TTYH1: variants seen among roughly 807,000 people sequenced by gnomAD.
The protein encoded by TTYH1 is protein tweety homolog 1.
Under a neutral mutation model 61.2 loss-of-function variants are expected in TTYH1, and 33 were observed. The ratio of observed to expected loss-of-function variants is 0.54; its 90% CI spans 0.41 to 0.72. The LOEUF is 0.72. Among genes scored for constraint, TTYH1 ranks in the 30% least tolerant of loss-of-function variants. The probability of loss-of-function intolerance (pLI) is 0.00; values close to 1 mark genes in which losing one functional copy is unlikely to be tolerated. For synonymous variants in TTYH1, 308 were observed against 266.4 expected (o/e 1.16, Z -1.52); for missense variants, 538 against 575.8 (o/e 0.93, Z 0.67).
chr19:54,422,810 T>C (rs776120332), intron 4 of TTYH1, among the ~76,000 whole-genome samples: 3 of 151,020 alleles, frequency 2.0e-5, no homozygotes, highest in Non-Finnish European at 2.9e-5. Flanking sequence ...ATGTCTGTAA[T>C]GCCAGCTACT....
In TTYH1 at chr19:54,419,462, G is replaced by A. The variant is rs546407473; in HGVS notation, c.305+156G>A. On this transcript the variant is annotated intron_variant, in intron 2 of 13. Coordinates refer to ENST00000376530, the MANE Select transcript of TTYH1 (RefSeq NM_020659.4). The surrounding 1 kb of genome is among the most constrained non-coding windows in gnomAD (Gnocchi z 6.1). ...CTGCCATTTGCAAGCCCACTTCAGC[G>A]CACAGCAGGAAGGACTGTCCCATTT... is the stretch of plus-strand genomic sequence containing the variant. 106 of 800,810 alleles carry A rather than the reference G, an allele frequency of 1.3e-4. 1 individual carries two copies. Among genetic ancestry groups the A allele is most frequent in the Middle Eastern group, 4.4e-4 (2 of 4,528 alleles). The allele number at this position is 800,810 out of a possible 1,614,324, so 49.6% of individuals were successfully genotyped here. A position where few individuals can be genotyped will look rare whatever the true frequency, so the allele number is the denominator to read the frequency against.
At position 54,426,893 on chromosome 19, in the gene TTYH1, A is replaced by G. The variant is rs1257396393; in HGVS notation, c.734+125A>G. On this transcript the variant is annotated intron_variant, in intron 5 of 13. Transcript: ENST00000376530. ...TCACGGCCGGGTACACACGAAGAAA[A>G]GAGAGTCAGAGCAGCCCAGGAGGGA... The G allele has an allele frequency of 3.7e-6, 3 of 811,890 alleles. No individual in the cohort carries two copies. In the African/African-American group the frequency reaches 5.1e-5, roughly 14 times the overall value. 50.3% of individuals were successfully genotyped at this position (811,890 alleles called of 1,614,324 possible).
intron 4 of TTYH1, among the ~76,000 whole-genome samples, chr19:54,422,789 C>T (rs1185844197): frequency 2.0e-5 from 3 of 151,724 alleles, no homozygotes; most frequent in Admixed American, 6.6e-5. Context: ...ATTAGCTGGG[C>T]GTGGCGGCAG....
intron 4 of TTYH1, among the ~76,000 whole-genome samples, chr19:54,423,662 T>C (rs924955990): frequency 6.6e-6 from 1 of 152,122 alleles, no homozygotes; most frequent in Non-Finnish European, 1.5e-5. Context: ...GTTCGAGTTG[T>C]TGAGTTGGCA....
Position 54,416,612 on chromosome 19 carries a change from G to C in TTYH1, c.126+934G>C. The C allele has an allele frequency of 1.8e-6, 1 of 554,010 alleles. No individual in the cohort carries two copies. Among genetic ancestry groups the C allele is most frequent in the Non-Finnish European group, 2.8e-6 (1 of 362,704 alleles). The allele number at this position is 554,010 out of a possible 1,614,324, so 34.3% of individuals were successfully genotyped here. A position where few individuals can be genotyped will look rare whatever the true frequency, so the allele number is the denominator to read the frequency against. On this transcript the variant is annotated intron_variant, in intron 1 of 13. Coordinates refer to ENST00000376530, the MANE Select transcript of TTYH1 (RefSeq NM_020659.4). This position sits in a 1 kb window ranked among gnomAD's most constrained non-coding sequence, Gnocchi z 7.0. The stretch of plus-strand genomic sequence containing the variant: ...CTTGGGTTGCTCCTGGGAGAAGGGG[G>C]CTGGGATTGGAGAGCTCAGGGGGCG...
rs1376880530 is a variant in TTYH1, at chr19:54,419,389, G to C, written c.305+83G>C. The C allele has an allele frequency of 7.2e-6, 10 of 1,396,686 alleles. No homozygotes were observed. Among genetic ancestry groups the C allele is most frequent in the Non-Finnish European group, 9.8e-6 (10 of 1,017,314 alleles). 86.5% of individuals were successfully genotyped at this position (1,396,686 alleles called of 1,614,324 possible). A position where few individuals can be genotyped will look rare whatever the true frequency, so the allele number is the denominator to read the frequency against. ...GGCCTTCCTGGGGGTGTCCTCCGGG[G>C]ACATGGAGGAAGCAGACAGGAAGGA... On this transcript the variant is annotated intron_variant, in intron 2 of 13. Coordinates refer to ENST00000376530, the MANE Select transcript of TTYH1 (RefSeq NM_020659.4). The surrounding 1 kb of genome is among the most constrained non-coding windows in gnomAD (Gnocchi z 6.1).
chr19:54,431,664 A>G (rs1022048358), intron 10 of TTYH1: 6 of 184,010 alleles, frequency 3.3e-5, no homozygotes, highest in African/African-American at 1.4e-4. Flanking sequence ...TGGGATTGCA[A>G]GAGTGGGCAC....
rs376773909 is a variant in TTYH1 at position 54,435,513 on chromosome 19, C to G, written c.1126-29C>G. 4.5e-6 allele frequency: 7 copies of G among 1,566,158 alleles called. No homozygotes were observed. The African/African-American group carries it at 9.4e-5, about 21-fold the overall frequency. ...GTGCCGATGGGGGAGGGGGTGGGGA[C>G]GCATGGCCTGATGACGCCCTCCCCT... On this transcript the variant is annotated intron_variant, in intron 10 of 13. Coordinates refer to ENST00000376530, the MANE Select transcript of TTYH1 (RefSeq NM_020659.4).
intron 1 of TTYH1, among the ~76,000 whole-genome samples, chr19:54,417,957 GATA>G (rs1277166133): frequency 6.6e-6 from 1 of 151,442 alleles, no homozygotes; most frequent in Non-Finnish European, 1.5e-5. Context: ...ACAGCCCAAA[GATA>G]AAAACATCCA....
In TTYH1 at chr19:54,434,258, C is replaced by T. The variant is rs573215432; in HGVS notation, c.1126-1284C>T. On this transcript the variant is annotated intron_variant, in intron 10 of 13. Transcript: ENST00000376530. This position sits in a 1 kb window ranked among gnomAD's most constrained non-coding sequence, Gnocchi z 4.3. Reference sequence around the variant, plus strand: ...GTCCTCCATGCAGCAGCCAGCCAGCCAGGTGATCCTTTTAAAACACAATCC... The same window carrying T: ...GTCCTCCATGCAGCAGCCAGCCAGCTAGGTGATCCTTTTAAAACACAATCC... 2.0e-5 allele frequency: 3 copies of T among 152,702 alleles called. No homozygotes were observed. The South Asian group carries it at 6.2e-4, about 32-fold the overall frequency. 9.5% of individuals were successfully genotyped at this position (152,702 alleles called of 1,614,324 possible). A position where few individuals can be genotyped will look rare whatever the true frequency, so the allele number is the denominator to read the frequency against.
chr19:54,415,811 T>C lies in TTYH1; in HGVS notation c.126+133T>C. On this transcript the variant is annotated intron_variant, in intron 1 of 13. Coordinates refer to ENST00000376530, the MANE Select transcript of TTYH1 (RefSeq NM_020659.4). The surrounding 1 kb of genome is among the most constrained non-coding windows in gnomAD (Gnocchi z 5.2). The stretch of plus-strand genomic sequence containing the variant: ...GGGGGCCGGCCCGGACTTTGGGGTT[T>C]CGGAGGGAGGAGGAGCCTGGGGGCG... 1 of 1,113,332 alleles carries C rather than the reference T, an allele frequency of 9.0e-7. No homozygotes were observed. The highest frequency in any genetic ancestry group is 1.9e-5 in the South Asian group (1 of 53,790). The allele number at this position is 1,113,332 out of a possible 1,614,324, so 69.0% of individuals were successfully genotyped here.
chr19:54,428,079 G>GTTTTTTT (rs936820982), intron 5 of TTYH1, among the ~76,000 whole-genome samples: 3 of 62,478 alleles, frequency 4.8e-5, no homozygotes, highest in Non-Finnish European at 5.6e-5. Context: ...TCCCGGCTAA[G>GTTTTTTT]TTTTTTTTTT....
At chr19:54,423,802 G>A (rs1275916377) in intron 4 of TTYH1, among the ~76,000 whole-genome samples, 1 of 152,164 alleles carries the variant, frequency 6.6e-6, no homozygotes, top group Non-Finnish European at 1.5e-5. Flanking sequence ...TCCTCCGGGG[G>A]GAACCAGCAA....
rs2083399013 is a variant in TTYH1 at position 54,429,792 on chromosome 19, G to A, written c.808-90G>A. The stretch of plus-strand genomic sequence containing the variant: ...TGGGACCTGGACCCCTGGGTGGGGA[G>A]GGGAGCTGGGGAGCCAGGCACTGGG... On this transcript the variant is annotated intron_variant, in intron 6 of 13. Coordinates refer to ENST00000376530, the MANE Select transcript of TTYH1 (RefSeq NM_020659.4). The surrounding 1 kb of genome is among the most constrained non-coding windows in gnomAD (Gnocchi z 5.1). 2 of 1,140,746 alleles carry A rather than the reference G, an allele frequency of 1.8e-6. No homozygotes were observed. Among genetic ancestry groups the A allele is most frequent in the South Asian group, 1.3e-5 (1 of 74,840 alleles). 70.7% of individuals were successfully genotyped at this position (1,140,746 alleles called of 1,614,324 possible). A position where few individuals can be genotyped will look rare whatever the true frequency, so the allele number is the denominator to read the frequency against.
Position 54,421,201 on chromosome 19 carries a change from G to C in TTYH1, c.306-76G>C. Reference sequence around the variant, plus strand: ...GGTGGATAAGAAGGCGAGGTGGAGGGGATGGGGTGGGAGGGGACGGTGGCC... The same window carrying C: ...GGTGGATAAGAAGGCGAGGTGGAGGCGATGGGGTGGGAGGGGACGGTGGCC... On this transcript the variant is annotated intron_variant, in intron 2 of 13. Coordinates refer to ENST00000376530, the MANE Select transcript of TTYH1 (RefSeq NM_020659.4). The surrounding 1 kb of genome is among the most constrained non-coding windows in gnomAD (Gnocchi z 4.8). The C allele has an allele frequency of 8.8e-6, 8 of 908,500 alleles. No individual in the cohort carries two copies. Among genetic ancestry groups the C allele is most frequent in the Non-Finnish European group, 1.4e-5 (8 of 554,258 alleles). The allele number at this position is 908,500 out of a possible 1,614,324, so 56.3% of individuals were successfully genotyped here. A position where few individuals can be genotyped will look rare whatever the true frequency, so the allele number is the denominator to read the frequency against.
chr19:54,435,577 C>A lies in TTYH1; in HGVS notation c.1161C>A (p.Asp387Glu), dbSNP rs377357802. Reference sequence around the variant, plus strand: ...CAGCCCTGCGGGGCCTGTGCGAAGACGCCCTGGAAGGCCTGCTCTTCCTGC... The same window carrying A: ...CAGCCCTGCGGGGCCTGTGCGAAGAAGCCCTGGAAGGCCTGCTCTTCCTGC... ...YGAALRGLCE[D>E]ALEGLLFLLL... The change falls in exon 11 of 14, where the codon GAC becomes GAA. Residue 387 changes from aspartate (D) to glutamate (E), a missense_variant. Coordinates refer to ENST00000376530, the MANE Select transcript of TTYH1 (RefSeq NM_020659.4). 1 of 1,609,764 alleles carries A rather than the reference C, an allele frequency of 6.2e-7. No individual in the cohort carries two copies. Among genetic ancestry groups the A allele is most frequent in the South Asian group, 1.1e-5 (1 of 90,818 alleles).
In TTYH1 at chr19:54,436,137, C is replaced by G; in HGVS notation, c.*8C>G. On this transcript the variant is annotated 3_prime_UTR_variant, in exon 13 of 14. Transcript: ENST00000376530. The surrounding 1 kb of genome is among the most constrained non-coding windows in gnomAD (Gnocchi z 4.3). ...TGGCAGTCGTCTATCTGAGCCCCTCCTCCCGGCTGGACTGGAGCCTGGCTC... is the reference window on the plus strand; with the variant it reads ...TGGCAGTCGTCTATCTGAGCCCCTCGTCCCGGCTGGACTGGAGCCTGGCTC... 1.2e-6 allele frequency: 2 copies of G among 1,614,174 alleles called. No individual in the cohort carries two copies. The highest frequency in any genetic ancestry group is 1.7e-6 in the Non-Finnish European group (2 of 1,180,000).
Position 54,416,956 on chromosome 19 carries a change from C to T in TTYH1, c.126+1278C>T, listed in dbSNP as rs1433329069. ...GTTTGGGGGAGCCTCACTCCGCCCC[C>T]ACGGTCGGGGGTCAGGGTCAGGGTG... On this transcript the variant is annotated intron_variant, in intron 1 of 13. Coordinates refer to ENST00000376530, the MANE Select transcript of TTYH1 (RefSeq NM_020659.4). This position sits in a 1 kb window ranked among gnomAD's most constrained non-coding sequence, Gnocchi z 7.0. 1.6e-5 allele frequency: 20 copies of T among 1,242,842 alleles called. No homozygotes were observed. Among genetic ancestry groups the T allele is most frequent in the Non-Finnish European group, 2.0e-5 (19 of 966,054 alleles). 77.0% of individuals were successfully genotyped at this position (1,242,842 alleles called of 1,614,324 possible). A position where few individuals can be genotyped will look rare whatever the true frequency, so the allele number is the denominator to read the frequency against.
chr19:54,427,420 A>T (rs956950137), intron 5 of TTYH1, among the ~76,000 whole-genome samples: 5 of 149,302 alleles, frequency 3.3e-5, no homozygotes, highest in African/African-American at 1.2e-4. Flanking sequence ...CCTGGCTAAC[A>T]CGGTGAAACC....
Sources: allele counts gnomAD v4.1 joint callset (sites outside exome capture counted in the v4.1 genomes callset), GRCh38; gene constraint gnomAD v4.1.1; non-coding constraint Gnocchi (gnomAD v3.1); transcripts MANE v1.5; gene names NCBI Gene and HGNC (gene_info 2026-07-23, HGNC 2026-07-21).